The following PHACTR2 variants were observed in gnomAD, a reference collection of about 807,000 sequenced individuals.
PHACTR2 encodes the protein phosphatase and actin regulator 2.
A neutral mutation model predicts 76.0 loss-of-function variants in PHACTR2; 30 were observed. The observed-to-expected ratio is 0.39, with a 90% CI of 0.30 to 0.54. The LOEUF (loss-of-function observed/expected upper bound fraction) is 0.54, where lower values mean the gene tolerates loss of function less well. Among genes scored for constraint, PHACTR2 ranks in the 20% least tolerant of loss-of-function variants. The probability of loss-of-function intolerance (pLI) is 0.61; values close to 1 mark genes in which losing one functional copy is unlikely to be tolerated. For missense variants in PHACTR2, 696 were observed against 781.1 expected, an observed-to-expected ratio of 0.89 and a Z score of 1.30; for synonymous variants, 292 against 292.5, an observed-to-expected ratio of 1.00 and a Z score of 0.02.
At position 143,722,304 on chromosome 6, in the gene PHACTR2, C is replaced by T. The variant is rs558531603; in HGVS notation, c.214+10121C>T. On this transcript the variant is annotated intron_variant, in intron 2 of 12. Transcript: ENST00000440869. The surrounding 1 kb of genome is among the most constrained non-coding windows in gnomAD (Gnocchi z 4.1). Reference sequence around the variant, plus strand: ...TTGGATGCTAGTTTCTCCGAAAGCACTAGAAGTCTCTGGCATTGGTTTTTT... The same window carrying T: ...TTGGATGCTAGTTTCTCCGAAAGCATTAGAAGTCTCTGGCATTGGTTTTTT... 6.6e-6 allele frequency among the ~76,000 whole-genome samples: 1 copy of T among 152,184 alleles called. No individual in the cohort carries two copies. Among genetic ancestry groups the T allele is most frequent in the Non-Finnish European group, 1.5e-5 (1 of 68,012 alleles).
intron 6 of PHACTR2, among the ~76,000 whole-genome samples, chr6:143,766,834 C>T (rs1023381020): frequency 5.3e-5 from 8 of 152,166 alleles, no homozygotes; most frequent in African/African-American, 1.9e-4. Flanking sequence ...AGCCCTGTCT[C>T]ACGAGTATGA....
chr6:143,624,171 A>C lies in PHACTR2; in HGVS notation c.13+15849A>C, dbSNP rs1056928680. 2.0e-5 allele frequency among the ~76,000 whole-genome samples: 3 copies of C among 151,932 alleles called. No homozygotes were observed. Among genetic ancestry groups the C allele is most frequent in the Admixed American group, 2.0e-4 (3 of 15,260 alleles). Reference sequence around the variant, plus strand: ...GCCCAGGCTGGAGTGCAGTGGCCCAATCTCGGCTCATTACAACCTCTGCCC... The same window carrying C: ...GCCCAGGCTGGAGTGCAGTGGCCCACTCTCGGCTCATTACAACCTCTGCCC... On this transcript the variant is annotated intron_variant, in intron 1 of 11. Coordinates refer to the PHACTR2 transcript ENST00000305766. This position sits in a 1 kb window ranked among gnomAD's most constrained non-coding sequence, Gnocchi z 4.6.
At position 143,782,142 on chromosome 6, in the gene PHACTR2, A is replaced by T. The variant is rs1057152895; in HGVS notation, c.1646-1077A>T. 8.5e-5 allele frequency among the ~76,000 whole-genome samples: 13 copies of T among 152,178 alleles called. No individual in the cohort carries two copies. The highest frequency in any genetic ancestry group is 1.8e-4 in the Non-Finnish European group (12 of 68,034). ...TCATGGATTAAAAAAATTTTTTTTA[A>T]TTGAACCCGGGAAGCGGAGGTTGCG... On this transcript the variant is annotated intron_variant, in intron 9 of 12. Transcript: ENST00000440869. This position sits in a 1 kb window ranked among gnomAD's most constrained non-coding sequence, Gnocchi z 4.6.
Position 143,739,221 on chromosome 6 carries a change from C to A in PHACTR2, c.215-9764C>A, listed in dbSNP as rs1778887325. ...CTGGGACTATAGGCGTGCACCACCA[C>A]GCCCATCTAATTTTTGTATTTTTAG... is the stretch of plus-strand genomic sequence containing the variant. On this transcript the variant is annotated intron_variant, in intron 2 of 12. Transcript: ENST00000440869. This position sits in a 1 kb window ranked among gnomAD's most constrained non-coding sequence, Gnocchi z 4.3. Among the ~76,000 whole-genome samples, 1 of 152,088 alleles carries A rather than the reference C, an allele frequency of 6.6e-6. No individual in the cohort carries two copies. Among genetic ancestry groups the A allele is most frequent in the Non-Finnish European group, 1.5e-5 (1 of 68,002 alleles).
chr6:143,569,818 A>G (rs1319906413), intron 1 of PHACTR2, among the ~76,000 whole-genome samples: 1 of 152,234 alleles, frequency 6.6e-6, no homozygotes, highest in African/African-American at 2.4e-5. Context: ...CCAGCAGATA[A>G]AAGTATAATT....
rs2128428218 is a variant in PHACTR2, at chr6:143,556,112, A to G, written c.217+18905A>G. On this transcript the variant is annotated intron_variant, in intron 1 of 11. Coordinates refer to the PHACTR2 transcript ENST00000367584. The surrounding 1 kb of genome is among the most constrained non-coding windows in gnomAD (Gnocchi z 4.3). Reference sequence around the variant, plus strand: ...GTAGCAGAAGGGACAGTGAAAACTCATGATGGTTAAGAAATTAACAAAGGA... The same window carrying G: ...GTAGCAGAAGGGACAGTGAAAACTCGTGATGGTTAAGAAATTAACAAAGGA... 6.6e-6 allele frequency among the ~76,000 whole-genome samples: 1 copy of G among 152,360 alleles called. No homozygotes were observed. The highest frequency in any genetic ancestry group is 2.1e-4 in the South Asian group (1 of 4,824).
intron 1 of PHACTR2, among the ~76,000 whole-genome samples, chr6:143,572,964 A>G (rs533012932): frequency 6.6e-6 from 1 of 152,368 alleles, no homozygotes; most frequent in South Asian, 2.1e-4. Context: ...TCATCATCAG[A>G]TAAGAATCCA....
In PHACTR2 at chr6:143,743,262, G is replaced by C. The variant is rs947590951; in HGVS notation, c.215-5723G>C. Among the ~76,000 whole-genome samples, 2 of 152,198 alleles carry C rather than the reference G, an allele frequency of 1.3e-5. No homozygotes were observed. The highest frequency in any genetic ancestry group is 4.8e-5 in the African/African-American group (2 of 41,452). On this transcript the variant is annotated intron_variant, in intron 2 of 12. Transcript: ENST00000440869. This position sits in a 1 kb window ranked among gnomAD's most constrained non-coding sequence, Gnocchi z 5.0. ...GAAGAACCGCAGATGTTTAGGAAATGGCAAGAAGTAAAGTTTGACTTTAAC... is the reference window on the plus strand; with the variant it reads ...GAAGAACCGCAGATGTTTAGGAAATCGCAAGAAGTAAAGTTTGACTTTAAC...
chr6:143,608,272 C>T lies in PHACTR2; in HGVS notation c.-38C>T. The T allele has an allele frequency of 6.2e-7, 1 of 1,613,170 alleles. No individual in the cohort carries two copies. Among genetic ancestry groups the T allele is most frequent in the South Asian group, 1.1e-5 (1 of 91,018 alleles). ...AGTCAGAAGAGCCAGGGCTTCCCGG[C>T]TGCCAGGCTACAGAACTCGCCTCGC... On this transcript the variant is annotated 5_prime_UTR_variant, in exon 1 of 12. Transcript: ENST00000305766. This position sits in a 1 kb window ranked among gnomAD's most constrained non-coding sequence, Gnocchi z 4.6.
rs1776392649 is a variant in PHACTR2 at position 143,633,079 on chromosome 6, G to T, written c.13+24757G>T. Reference sequence around the variant, plus strand: ...AAGCTGCTATAAACATCTGTGTGCAGGGCTTTTTGCTGACATAATCTTTCA... The same window carrying T: ...AAGCTGCTATAAACATCTGTGTGCATGGCTTTTTGCTGACATAATCTTTCA... On this transcript the variant is annotated intron_variant, in intron 1 of 11. Coordinates refer to the PHACTR2 transcript ENST00000305766. This position sits in a 1 kb window ranked among gnomAD's most constrained non-coding sequence, Gnocchi z 4.1. Among the ~76,000 whole-genome samples the T allele has an allele frequency of 2.0e-5, 3 of 152,200 alleles. No homozygotes were observed. In the South Asian group the frequency reaches 6.2e-4, roughly 31 times the overall value.
At chr6:143,615,255 A>C (rs1404452624) in intron 1 of PHACTR2, among the ~76,000 whole-genome samples, 1 of 152,204 alleles carries the variant, frequency 6.6e-6, no homozygotes, top group Non-Finnish European at 1.5e-5. Context: ...AATTCAACTC[A>C]TCATTTTTCA....
rs1205616436 is a variant in PHACTR2 at position 143,776,747 on chromosome 6, C to A, written c.1590-581C>A. ...AGGATGCTGTGCCTGGCCAGGTAATCTTAATATTACTGTCACATGACACTC... is the reference window on the plus strand; with the variant it reads ...AGGATGCTGTGCCTGGCCAGGTAATATTAATATTACTGTCACATGACACTC... On this transcript the variant is annotated intron_variant, in intron 8 of 12. Coordinates refer to ENST00000440869, the MANE Select transcript of PHACTR2 (RefSeq NM_001100164.2). This position sits in a 1 kb window ranked among gnomAD's most constrained non-coding sequence, Gnocchi z 5.3. Among the ~76,000 whole-genome samples the A allele has an allele frequency of 1.3e-5, 2 of 152,156 alleles. No individual in the cohort carries two copies. Among genetic ancestry groups the A allele is most frequent in the East Asian group, 1.9e-4 (1 of 5,180 alleles).
chr6:143,660,389 T>G (rs1343243160), intron 1 of PHACTR2, among the ~76,000 whole-genome samples: 1 of 152,128 alleles, frequency 6.6e-6, no homozygotes, highest in East Asian at 1.9e-4. Flanking sequence ...AAACTCCCAT[T>G]TTTAAAACCA....
At chr6:143,560,072 A>G (rs552437168) in intron 1 of PHACTR2, among the ~76,000 whole-genome samples, 2 of 152,370 alleles carry the variant, frequency 1.3e-5, no homozygotes, top group African/African-American at 4.8e-5. Context: ...TTATGAAAAC[A>G]TAAGTTGTAA....
At chr6:143,729,271 T>C (rs965747151) in intron 2 of PHACTR2, among the ~76,000 whole-genome samples, 2 of 152,190 alleles carry the variant, frequency 1.3e-5, no homozygotes, top group African/African-American at 4.8e-5. Context: ...GATTTGCAAA[T>C]ATTTTCTCCC....
upstream of PHACTR2, among the ~76,000 whole-genome samples, chr6:143,675,391 C>A (rs1489551397): frequency 6.6e-6 from 1 of 152,164 alleles, no homozygotes; most frequent in East Asian, 1.9e-4. This position sits in a 1 kb window ranked among gnomAD's most constrained non-coding sequence, Gnocchi z 4.9. Flanking sequence ...GAAGGCAGTT[C>A]ACACAGGCTG....
chr6:143,574,094 A>G (rs9321922), intron 1 of PHACTR2, among the ~76,000 whole-genome samples: 93,245 of 151,932 alleles, frequency 0.61, 28,952 homozygotes, highest in Middle Eastern at 0.72. Context: ...GGAAGAATTT[A>G]TTTTAAGCTC....
In PHACTR2 at chr6:143,719,558, C is replaced by A. The variant is rs1778392973; in HGVS notation, c.214+7375C>A. Among the ~76,000 whole-genome samples the A allele has an allele frequency of 2.7e-5, 4 of 149,476 alleles. 1 individual carries two copies. The South Asian group carries it at 8.5e-4, about 32-fold the overall frequency. ...AGAGACAGGGTTTCACCATGTTAGC[C>A]AGGCTGGTCTTGAACTCCTGACCTC... is the stretch of plus-strand genomic sequence containing the variant. On this transcript the variant is annotated intron_variant, in intron 2 of 12. Coordinates refer to ENST00000440869, the MANE Select transcript of PHACTR2 (RefSeq NM_001100164.2).
chr6:143,782,424 C>G lies in PHACTR2; in HGVS notation c.1646-795C>G, dbSNP rs1546947. On this transcript the variant is annotated intron_variant, in intron 9 of 12. Coordinates refer to ENST00000440869, the MANE Select transcript of PHACTR2 (RefSeq NM_001100164.2). This position sits in a 1 kb window ranked among gnomAD's most constrained non-coding sequence, Gnocchi z 4.6. ...CTGATCAAACAGATGATCAGCTAAA[C>G]GAAGCAACAGAGAGATGTTCCTCAA... is the stretch of plus-strand genomic sequence containing the variant. Among the ~76,000 whole-genome samples, 89,706 of 151,962 alleles carry G rather than the reference C, an allele frequency of 0.59. 26,597 individuals carry two copies. The highest frequency in any genetic ancestry group is 0.68 in the South Asian group (3,260 of 4,824).
Sources: gnomAD v4.1 joint callset for allele counts (sites outside exome capture counted in the v4.1 genomes callset) on GRCh38, gnomAD v4.1.1 for gene constraint, Gnocchi (gnomAD v3.1) non-coding constraint, MANE v1.5 for transcripts, NCBI Gene and HGNC (gene_info 2026-07-23, HGNC 2026-07-21) for gene names.